The following PCDH15 variants were observed in gnomAD, a reference collection of about 807,000 sequenced individuals.
PCDH15 encodes the protein protocadherin related 15, also known as protocadherin-15.
Under a neutral mutation model 178.5 loss-of-function variants are expected in PCDH15, and 129 were observed. That is an observed-to-expected ratio of 0.72 (90% CI 0.63 to 0.84). PCDH15 has a LOEUF of 0.84. PCDH15 is among the 40% of genes least tolerant of loss of function. The pLI is 0.00. For synonymous variants in PCDH15, 800 were observed against 732.0 expected (o/e 1.09, Z -1.50); for missense variants, 2,230 against 2,099.9 (o/e 1.06, Z -1.21).
chr10:54,372,151 A>G (rs1243440564), intron 4 of PCDH15, among the ~76,000 whole-genome samples: 6 of 151,942 alleles, frequency 3.9e-5, no homozygotes, highest in Admixed American at 3.3e-4. Context: ...TTGGAAGACA[A>G]TGAGGTGAAT....
Position 55,121,418 on chromosome 10 carries a change from A to T in PCDH15, c.-80+45158T>A, listed in dbSNP as rs561556523. Among the ~76,000 whole-genome samples, 295 of 151,592 alleles carry T rather than the reference A, an allele frequency of 1.9e-3. 3 individuals are homozygous for T. Among genetic ancestry groups the T allele is most frequent in the Middle Eastern group, 3.4e-3 (1 of 294 alleles). On this transcript the variant is annotated intron_variant, in intron 2 of 5. Transcript: ENST00000458638. ...CTTGAGTTCCACCGATATCTGCTTT[A>T]GAAGAAACTGTAGATTTAGACTTTG...
At chr10:55,109,720 G>A (rs1837449263) in intron 2 of PCDH15, among the ~76,000 whole-genome samples, 1 of 151,984 alleles carries the variant, frequency 6.6e-6, no homozygotes, top group Non-Finnish European at 1.5e-5. Flanking sequence ...GTATGTTGAA[G>A]TTACTCCTAT....
At chr10:55,143,037 C>T (rs894654095) in intron 2 of PCDH15, among the ~76,000 whole-genome samples, 2 of 151,996 alleles carry the variant, frequency 1.3e-5, no homozygotes, top group East Asian at 1.9e-4. Context: ...AGTGAGTTCT[C>T]AGGAGAGCTG....
intron 3 of PCDH15, among the ~76,000 whole-genome samples, chr10:54,411,328 A>G (rs998891146): frequency 7.9e-5 from 12 of 152,180 alleles, no homozygotes; most frequent in African/African-American, 2.9e-4. Context: ...CATAATTAAA[A>G]ATTGAAAGAA....
At chr10:53,844,652 G>A (rs1310827301) in intron 28 of PCDH15, among the ~76,000 whole-genome samples, 2 of 151,860 alleles carry the variant, frequency 1.3e-5, no homozygotes, top group African/African-American at 2.4e-5. Context: ...TTTAATGTAT[G>A]ATGATAAGAA....
At chr10:54,417,258 C>G (rs978576047) in intron 3 of PCDH15, among the ~76,000 whole-genome samples, 1 of 152,084 alleles carries the variant, frequency 6.6e-6, no homozygotes, top group Non-Finnish European at 1.5e-5. Context: ...ACACTTACGT[C>G]GATCTACTTT....
At chr10:54,753,994 A>AT (rs1252946711) in intron 1 of PCDH15, among the ~76,000 whole-genome samples, 6 of 74,636 alleles carry the variant, frequency 8.0e-5, no homozygotes, top group Non-Finnish European at 1.7e-4. Flanking sequence ...TTTTATTATT[A>AT]TTATTTTTTA....
intron 25 of PCDH15, among the ~76,000 whole-genome samples, chr10:53,914,457 C>T (rs1222927452): frequency 1.3e-5 from 2 of 152,140 alleles, no homozygotes; most frequent in Non-Finnish European, 2.9e-5. Flanking sequence ...AGTTCATGTC[C>T]TTTGGAGGGA....
At chr10:55,276,373 T>C (rs997925498) in intron 1 of PCDH15, among the ~76,000 whole-genome samples, 2 of 151,264 alleles carry the variant, frequency 1.3e-5, no homozygotes, top group African/African-American at 4.8e-5. Context: ...ACATGGACTT[T>C]ATGAATTTAT....
At chr10:54,226,060 C>G (rs1160380140) in intron 9 of PCDH15, among the ~76,000 whole-genome samples, 1 of 152,172 alleles carries the variant, frequency 6.6e-6, no homozygotes, top group East Asian at 1.9e-4. Context: ...TTCTGTCAAT[C>G]AATTGGCTGA....
intron 13 of PCDH15, among the ~76,000 whole-genome samples, chr10:54,169,635 C>A (rs1346203311): frequency 1.3e-5 from 2 of 151,004 alleles, no homozygotes; most frequent in Admixed American, 6.6e-5. Context: ...TGTATCCCCC[C>A]ACCTTAACCT....
intron 2 of PCDH15, among the ~76,000 whole-genome samples, chr10:54,582,085 A>G (rs1470408919): frequency 6.6e-6 from 1 of 152,178 alleles, no homozygotes; most frequent in African/African-American, 2.4e-5. Flanking sequence ...ACCTATTTAA[A>G]TTAAAGAGTT....
At chr10:54,377,689 A>T (rs1948649165) in intron 4 of PCDH15, among the ~76,000 whole-genome samples, 1 of 152,086 alleles carries the variant, frequency 6.6e-6, no homozygotes, top group South Asian at 2.1e-4. Flanking sequence ...AGTATCTGAC[A>T]TTTGGATTTC....
intron 2 of PCDH15, among the ~76,000 whole-genome samples, chr10:55,466,812 A>T (rs908138748): frequency 6.6e-5 from 10 of 152,184 alleles, no homozygotes; most frequent in Admixed American, 2.6e-4. Context: ...TATTCTCCCT[A>T]CTTCTTTCTA....
intron 3 of PCDH15, among the ~76,000 whole-genome samples, chr10:54,516,465 G>A (rs866517129): frequency 6.6e-6 from 1 of 151,974 alleles, no homozygotes; most frequent in Non-Finnish European, 1.5e-5. Context: ...TATCAGTGAT[G>A]GAAGATGAAA....
At chr10:53,917,802 C>T (rs2133844610) in intron 25 of PCDH15, among the ~76,000 whole-genome samples, 1 of 152,250 alleles carries the variant, frequency 6.6e-6, no homozygotes. Flanking sequence ...GTGCTTGGAT[C>T]ATGGGGGTGG....
At chr10:53,840,788 A>C (rs1322600262) in intron 28 of PCDH15, among the ~76,000 whole-genome samples, 1 of 152,204 alleles carries the variant, frequency 6.6e-6, no homozygotes, top group Non-Finnish European at 1.5e-5. Flanking sequence ...GAAATGCCAA[A>C]TATGCTGTAC....
intron 2 of PCDH15, among the ~76,000 whole-genome samples, chr10:55,486,466 A>AT (rs5785138): frequency 0.41 from 61,833 of 151,270 alleles, 13,329 homozygotes; most frequent in East Asian, 0.81. Flanking sequence ...TATGTTGTAC[A>AT]TTTTATATTA....
At chr10:55,356,330 G>A (rs1845080391) in intron 2 of PCDH15, among the ~76,000 whole-genome samples, 1 of 151,562 alleles carries the variant, frequency 6.6e-6, no homozygotes, top group African/African-American at 2.4e-5. Context: ...AGGAGAAGAG[G>A]AAAAAATGAA....
Sources: allele counts gnomAD v4.1 joint callset (sites outside exome capture counted in the v4.1 genomes callset), GRCh38; gene constraint gnomAD v4.1.1; transcripts MANE v1.5; gene names NCBI Gene and HGNC (gene_info 2026-07-23, HGNC 2026-07-21).